Variants in ANXA4 observed in about 807,000 individuals in gnomAD.
ANXA4 encodes the protein 35-beta calcimedin.
Under a neutral mutation model 49.8 loss-of-function variants are expected in ANXA4, and 39 were observed. That is an observed-to-expected ratio of 0.78 (90% CI 0.61 to 1.02). The LOEUF (loss-of-function observed/expected upper bound fraction) is 1.02, where lower values mean the gene tolerates loss of function less well. Among genes scored for constraint, ANXA4 ranks in the 50% least tolerant of loss-of-function variants. ANXA4 has a pLI of 0.00. For synonymous variants in ANXA4, 134 were observed against 152.5 expected, an observed-to-expected ratio of 0.88 and a Z score of 0.89; for missense variants, 360 against 410.1, an observed-to-expected ratio of 0.88 and a Z score of 1.05.
intron 3 of ANXA4, among the ~76,000 whole-genome samples, chr2:69,736,938 A>C (rs1225853923): frequency 2.0e-5 from 3 of 152,050 alleles, no homozygotes; most frequent in African/African-American, 7.3e-5. Flanking sequence ...AGTATCTGGG[A>C]TTACAGGTGA....
At chr2:69,711,030 T>C (rs1044384009) in intron 2 of ANXA4, among the ~76,000 whole-genome samples, 1 of 152,188 alleles carries the variant, frequency 6.6e-6, no homozygotes, top group African/African-American at 2.4e-5. Context: ...GAGCACTTAA[T>C]TAATAATAGC....
chr2:69,756,384 C>T (rs1671040454), intron 1 of ANXA4, among the ~76,000 whole-genome samples: 1 of 152,054 alleles, frequency 6.6e-6, no homozygotes, highest in African/African-American at 2.4e-5. Context: ...TGCCTTTCCT[C>T]AACTGTAAAA....
chr2:69,711,420 G>A (rs944495309), intron 2 of ANXA4, among the ~76,000 whole-genome samples: 1 of 152,224 alleles, frequency 6.6e-6, no homozygotes, highest in Non-Finnish European at 1.5e-5. Flanking sequence ...CAAAAGCAGT[G>A]TGCTAAGGAC....
intron 3 of ANXA4, among the ~76,000 whole-genome samples, chr2:69,733,870 T>C (rs1670171610): frequency 6.6e-6 from 1 of 152,138 alleles, no homozygotes; most frequent in Admixed American, 6.5e-5. Flanking sequence ...TTTTTTACAG[T>C]TCTATATAAT....
At chr2:69,656,311 ATG>A (rs1395539328) in intron 2 of ANXA4, among the ~76,000 whole-genome samples, 1,355 of 81,334 alleles carry the variant, frequency 0.017, 84 homozygotes, top group African/African-American at 0.047. Flanking sequence ...ATATGTATAT[ATG>A]TATATATATG....
At chr2:69,737,634 G>A (rs1670277812), upstream of ANXA4, among the ~76,000 whole-genome samples, 1 of 152,064 alleles carries the variant, frequency 6.6e-6, no homozygotes, top group East Asian at 1.9e-4. Context: ...GTCTCGCTAT[G>A]TCACCCAGGC....
At chr2:69,763,381 T>A (rs1671373296) in intron 1 of ANXA4, among the ~76,000 whole-genome samples, 1 of 152,128 alleles carries the variant, frequency 6.6e-6, no homozygotes, top group African/African-American at 2.4e-5. Context: ...ACAAAGCTGC[T>A]TTTCTGGTTC....
rs749269803 is a variant in ANXA4 at position 69,798,907 on chromosome 2, AC to A, written c.98-5625del. 5.0e-4 allele frequency among the ~76,000 whole-genome samples: 76 copies of A among 152,226 alleles called. 1 individual carries two copies. The highest frequency in any genetic ancestry group is 1.3e-4 in the Non-Finnish European group (9 of 68,038). ...CCAGATATTGAGGTCAAGGACATGC[AC>A]ACACACATCGAGTGAGTTTGGAGCA... On this transcript the variant is annotated intron_variant, in intron 3 of 12. Transcript: ENST00000394295.
chr2:69,690,383 C>G (rs1677921413), intron 2 of ANXA4, among the ~76,000 whole-genome samples: 1 of 152,110 alleles, frequency 6.6e-6, no homozygotes, highest in Admixed American at 6.5e-5. Context: ...GGATTACAGG[C>G]ACGCACCACC....
chr2:69,722,955 G>A (rs1559111852), intron 3 of ANXA4, among the ~76,000 whole-genome samples: 3 of 149,628 alleles, frequency 2.0e-5, no homozygotes, highest in African/African-American at 4.9e-5. Flanking sequence ...GGCGGATCAC[G>A]AGGTCAGGAG....
intron 8 of ANXA4, chr2:69,814,791 TGTGAGAGAAA>T (rs1348909017): frequency 2.8e-5 from 2 of 70,402 alleles, no homozygotes; most frequent in Admixed American, 1.7e-4. Flanking sequence ...TGTGTGTGTG[TGTGAGAGAAA>T]GAGAGAGAGG....
intron 3 of ANXA4, among the ~76,000 whole-genome samples, chr2:69,796,774 A>C (rs568902519): frequency 1.3e-5 from 2 of 152,236 alleles, no homozygotes; most frequent in South Asian, 4.1e-4. Context: ...GAAAACTAGA[A>C]GGACTGGGGC....
intron 3 of ANXA4, among the ~76,000 whole-genome samples, chr2:69,728,741 A>C (rs1670024962): frequency 6.6e-6 from 1 of 152,208 alleles, no homozygotes; most frequent in Non-Finnish European, 1.5e-5. Context: ...TCTGTATATG[A>C]ATACCACACT....
chr2:69,810,873 A>G (rs896652901), intron 7 of ANXA4, 200 bp downstream of exon 7: 12 of 569,716 alleles, frequency 2.1e-5, no homozygotes, highest in African/African-American at 1.9e-4. Context: ...CTTTAATTTG[A>G]TATTTACAAG....
At position 69,719,001 on chromosome 2, in the gene ANXA4, G is replaced by A. The variant is rs547953776; in HGVS notation, n.767-1773G>A. Among the ~76,000 whole-genome samples the A allele has an allele frequency of 2.1e-5, 3 of 143,442 alleles. No homozygotes were observed. The Admixed American group carries it at 2.1e-4, about 10-fold the overall frequency. The allele number at this position is 143,442 out of a possible 152,430, so 94.1% of individuals were successfully genotyped here. A position where few individuals can be genotyped will look rare whatever the true frequency, so the allele number is the denominator to read the frequency against. ...CCTCCTTTTTTTTTTTTTTGTGACT[G>A]AGTCTCACACTGTCACCCAGGCTGG... On this transcript the variant is annotated intron_variant and non_coding_transcript_variant, in intron 2 of 3. Transcript: ENST00000418066.
intron 1 of ANXA4, among the ~76,000 whole-genome samples, chr2:69,760,128 G>A (rs886991883): frequency 1.3e-5 from 2 of 152,154 alleles, no homozygotes; most frequent in Admixed American, 6.5e-5. Context: ...CACCACGCCC[G>A]GCCTGTTTTA....
intron 2 of ANXA4, among the ~76,000 whole-genome samples, chr2:69,656,048 A>C (rs1676425691): frequency 6.6e-6 from 1 of 151,806 alleles, no homozygotes; most frequent in South Asian, 2.1e-4. Flanking sequence ...TAAGGGAGGG[A>C]TAGCGTTAGA....
chr2:69,643,887 A>C, upstream of ANXA4: 1 of 1,172,466 alleles, frequency 8.5e-7, no homozygotes, highest in Non-Finnish European at 1.1e-6. Flanking sequence ...ACGGATGGGA[A>C]GGAGTCGACC....
At chr2:69,714,014 G>A (rs905314869) in intron 2 of ANXA4, among the ~76,000 whole-genome samples, 1 of 152,250 alleles carries the variant, frequency 6.6e-6, no homozygotes, top group Non-Finnish European at 1.5e-5. Context: ...GAATGGGGCA[G>A]AACATTCTTT....
Sources: gnomAD v4.1 joint callset for allele counts (sites outside exome capture counted in the v4.1 genomes callset) on GRCh38, gnomAD v4.1.1 for gene constraint, MANE v1.5 for transcripts, NCBI Gene and HGNC (gene_info 2026-07-23, HGNC 2026-07-21) for gene names.